CX3CL1: variants seen among roughly 807,000 people sequenced by gnomAD.
The protein encoded by CX3CL1 is fractalkine.
CX3CL1 carries 1 observed loss-of-function variant against 14.1 expected under a neutral mutation model. That is an observed-to-expected ratio of 0.07 (90% confidence interval 0.03 to 0.34). The LOEUF is 0.34. Ranked by LOEUF, CX3CL1 falls within the 10% of genes least tolerant of loss-of-function variation. CX3CL1 has a pLI of 0.99. For missense variants in CX3CL1, 505 were observed against 536.4 expected (o/e 0.94, Z 0.58); for synonymous variants, 255 against 229.6 (o/e 1.11, Z -1.00).
chr16:57,374,999 G>A (rs771168608), intron 1 of CX3CL1, among the ~76,000 whole-genome samples: 11 of 152,082 alleles, frequency 7.2e-5, no homozygotes, highest in Non-Finnish European at 1.5e-4. Flanking sequence ...AATTAGCTGG[G>A]TGTGGTGGTG....
chr16:57,373,055 C>T (rs1285271322), intron 1 of CX3CL1, among the ~76,000 whole-genome samples: 1 of 152,100 alleles, frequency 6.6e-6, no homozygotes, highest in African/African-American at 2.4e-5. Context: ...CAGCCCTGGC[C>T]CTGGGCCAGG....
chr16:57,376,274 A>G (rs1902243618), intron 1 of CX3CL1, among the ~76,000 whole-genome samples: 1 of 152,242 alleles, frequency 6.6e-6, no homozygotes, highest in African/African-American at 2.4e-5. Flanking sequence ...TTGTTGGTTG[A>G]CTGAATAAAC....
At chr16:57,378,546 C>T (rs1226129376) in intron 1 of CX3CL1, 3 of 151,666 alleles carry the variant, frequency 2.0e-5, no homozygotes, top group Non-Finnish European at 2.9e-5. Context: ...TCACTGCAAC[C>T]TCTGCCTCCC....
At chr16:57,373,071 G>A (rs1268566053) in intron 1 of CX3CL1, among the ~76,000 whole-genome samples, 1 of 152,188 alleles carries the variant, frequency 6.6e-6, no homozygotes, top group Non-Finnish European at 1.5e-5. Flanking sequence ...CCAGGCCACA[G>A]TTGGGACTTT....
intron 2 of CX3CL1, 126 bp downstream of exon 2, chr16:57,379,880 G>A (rs977995260): frequency 4.4e-6 from 5 of 1,129,606 alleles, no homozygotes; most frequent in African/African-American, 3.1e-5. Flanking sequence ...CTCAGCACAC[G>A]CTTCTCTTGC....
At chr16:57,380,417 G>T (rs1006809708) in intron 2 of CX3CL1, among the ~76,000 whole-genome samples, 11 of 152,148 alleles carry the variant, frequency 7.2e-5, no homozygotes, top group African/African-American at 2.7e-4. Context: ...AACTAGCCTG[G>T]CATGGTGGTG....
Position 57,383,307 on chromosome 16 carries a change from G to A in CX3CL1, c.*275G>A, listed in dbSNP as rs962138354. 19 of 337,476 alleles carry A rather than the reference G, an allele frequency of 5.6e-5. No homozygotes were observed. Among genetic ancestry groups the A allele is most frequent in the East Asian group, 2.7e-4 (6 of 22,398 alleles). 20.9% of individuals were successfully genotyped at this position (337,476 alleles called of 1,614,324 possible). On this transcript the variant is annotated 3_prime_UTR_variant, in exon 3 of 3. Coordinates refer to ENST00000006053, the MANE Select transcript of CX3CL1 (RefSeq NM_002996.6). ...TGGCTGGTTAGAGGTTCCCTTTGAC[G>A]CCATCCCAGCCCCAATGAACAATTA... is the stretch of plus-strand genomic sequence containing the variant.
intron 1 of CX3CL1, among the ~76,000 whole-genome samples, chr16:57,376,051 G>C (rs1902240722): frequency 1.3e-5 from 2 of 152,170 alleles, no homozygotes; most frequent in African/African-American, 4.8e-5. Context: ...CAGGAATGTT[G>C]GGAATTAAAG....
intron 2 of CX3CL1, among the ~76,000 whole-genome samples, chr16:57,381,274 C>T (rs1373286405): frequency 6.6e-6 from 1 of 152,112 alleles, no homozygotes; most frequent in African/African-American, 2.4e-5. Flanking sequence ...GAGCCAGGGC[C>T]TCTGTCAGCT....
At chr16:57,376,524 A>G (rs1357369666) in intron 1 of CX3CL1, among the ~76,000 whole-genome samples, 2 of 150,816 alleles carry the variant, frequency 1.3e-5, no homozygotes, top group African/African-American at 4.9e-5. Context: ...GGATGGATGG[A>G]TGGGTGGATG....
intron 1 of CX3CL1, 110 bp downstream of exon 1, chr16:57,372,748 G>C (rs1393070943): frequency 4.0e-6 from 4 of 1,002,974 alleles, no homozygotes; most frequent in Non-Finnish European, 6.0e-6. Context: ...AAAGCTCAAG[G>C]CCGGTGGCAG....
In CX3CL1 at chr16:57,379,712, A is replaced by G; in HGVS notation, c.149A>G (p.His50Arg). 6.2e-7 allele frequency: 1 copy of G among 1,614,254 alleles called. No homozygotes were observed. The highest frequency in any genetic ancestry group is 8.5e-7 in the Non-Finnish European group (1 of 1,180,026). ...TSKIPVALLI[H>R]YQQNQASCGK... ...AAGATACCTGTAGCTTTGCTCATCC[A>G]CTATCAACAGAACCAGGCATCATGC... The change falls in exon 2 of 3, where the codon CAC becomes CGC. Residue 50 changes from histidine to arginine, a missense_variant. Physicochemically the swap from His to Arg is conservative, Grantham distance 29. Transcript: ENST00000006053.
intron 1 of CX3CL1, 94 bp from the exon 2 acceptor site, chr16:57,379,540 G>A (rs1005187012): frequency 4.6e-6 from 7 of 1,528,056 alleles, no homozygotes; most frequent in Non-Finnish European, 6.3e-6. Context: ...GATCAGTTTT[G>A]GCTTGGGTGG....
intron 1 of CX3CL1, 85 bp from the exon 2 acceptor site, chr16:57,379,549 G>T (rs1358502711): frequency 1.9e-6 from 3 of 1,562,584 alleles, no homozygotes; most frequent in Middle Eastern, 1.7e-4. Flanking sequence ...TGGCTTGGGT[G>T]GTGTGGCCGG....
intron 1 of CX3CL1, among the ~76,000 whole-genome samples, chr16:57,375,251 C>T (rs1214323451): frequency 6.6e-6 from 1 of 151,996 alleles, no homozygotes; most frequent in African/African-American, 2.4e-5. Context: ...GGTGGCTTTG[C>T]ACAGTTTGGA....
intron 1 of CX3CL1, among the ~76,000 whole-genome samples, chr16:57,374,453 G>C (rs1008693315): frequency 2.7e-5 from 4 of 147,866 alleles, no homozygotes; most frequent in Non-Finnish European, 6.0e-5. Context: ...GCAAGAAAGA[G>C]AAAAAAAAAC....
chr16:57,379,606 T>G (rs1214889136), intron 1 of CX3CL1, 28 bp from the exon 2 acceptor site: 1 of 1,614,072 alleles, frequency 6.2e-7, no homozygotes, highest in African/African-American at 1.3e-5. Context: ...CAGACATCCC[T>G]GCTGACCAGG....
Position 57,382,971 on chromosome 16 carries a change from A to G in CX3CL1, c.1133A>G (p.Glu378Gly). ...CPRKMAGEMA[E>G]GLRYIPRSCG... The stretch of plus-strand genomic sequence containing the variant: ...CGAAAGATGGCAGGAGAGATGGCGG[A>G]GGGCCTTCGCTACATCCCCCGGAGC... The change falls in exon 3 of 3, where the codon GAG becomes GGG. Residue 378 changes from glutamate to glycine, a missense_variant. Transcript: ENST00000006053. This position sits in a 1 kb window ranked among gnomAD's most constrained non-coding sequence, Gnocchi z 6.9. 2.0e-6 allele frequency: 3 copies of G among 1,509,238 alleles called. No individual in the cohort carries two copies. The highest frequency in any genetic ancestry group is 8.9e-7 in the Non-Finnish European group (1 of 1,127,210). The allele number at this position is 1,509,238 out of a possible 1,614,324, so 93.5% of individuals were successfully genotyped here.
At chr16:57,381,922 C>T (rs1902324876) in intron 2 of CX3CL1, 108 bp from the exon 3 acceptor site, 1 of 1,257,888 alleles carries the variant, frequency 7.9e-7, no homozygotes, top group African/African-American at 1.5e-5. Context: ...ACAGGGTTTC[C>T]AGCCGGGTGT....
Sources: allele counts gnomAD v4.1 joint callset (sites outside exome capture counted in the v4.1 genomes callset), GRCh38; gene constraint gnomAD v4.1.1; non-coding constraint Gnocchi (gnomAD v3.1); transcripts MANE v1.5; gene names NCBI Gene and HGNC (gene_info 2026-07-23, HGNC 2026-07-21).